CCNY: variants seen among roughly 807,000 people sequenced by gnomAD.
CCNY encodes cyclin-Y.
Under a neutral mutation model 42.8 loss-of-function variants are expected in CCNY, and 19 were observed. That is an observed-to-expected ratio of 0.44 (90% confidence interval 0.31 to 0.65). The LOEUF (loss-of-function observed/expected upper bound fraction) is 0.65, where lower values mean the gene tolerates loss of function less well. Ranked by LOEUF, CCNY falls within the 30% of genes least tolerant of loss-of-function variation. The pLI, the probability that CCNY is intolerant of heterozygous loss-of-function variation, is 0.07. For missense variants in CCNY, 370 were observed against 437.3 expected (o/e 0.85, Z 1.37); for synonymous variants, 165 against 162.7 (o/e 1.01, Z -0.11).
intron 1 of CCNY, among the ~76,000 whole-genome samples, chr10:35,430,262 G>A (rs1435036131): frequency 2.0e-5 from 3 of 146,958 alleles, no homozygotes; most frequent in East Asian, 4.0e-4. Context: ...GCGTGAACCC[G>A]GGAGGCGGAG....
chr10:35,271,014 C>T (rs1172447903), intron 3 of CCNY, among the ~76,000 whole-genome samples: 1 of 152,082 alleles, frequency 6.6e-6, no homozygotes, highest in Non-Finnish European at 1.5e-5. Context: ...TGTGAGCCAC[C>T]AAGCTTGGCC....
chr10:35,491,652 C>T (rs951511375), intron 2 of CCNY, among the ~76,000 whole-genome samples: 8 of 152,112 alleles, frequency 5.3e-5, no homozygotes, highest in African/African-American at 1.4e-4. Flanking sequence ...GACGCTCTGT[C>T]GCCCAGGCTG....
chr10:35,384,785 T>C (rs1421465090), intron 1 of CCNY, among the ~76,000 whole-genome samples: 1 of 152,188 alleles, frequency 6.6e-6, no homozygotes, highest in Non-Finnish European at 1.5e-5. Flanking sequence ...TTTAGGTTTG[T>C]GGGAAGAGCT....
intron 1 of CCNY, among the ~76,000 whole-genome samples, chr10:35,396,410 G>A (rs1046811251): frequency 5.9e-5 from 9 of 152,196 alleles, no homozygotes; most frequent in African/African-American, 1.7e-4. Context: ...GCCGCAAGAA[G>A]GTGGGGTGGG....
chr10:35,439,516 C>T (rs1459340308), intron 1 of CCNY, among the ~76,000 whole-genome samples: 1 of 151,490 alleles, frequency 6.6e-6, no homozygotes, highest in Non-Finnish European at 1.5e-5. Context: ...TCTTTGCTGC[C>T]TCTTTCTCTC....
intron 7 of CCNY, among the ~76,000 whole-genome samples, chr10:35,552,592 G>A (rs183509155): frequency 6.6e-6 from 1 of 152,208 alleles, no homozygotes; most frequent in Non-Finnish European, 1.5e-5. Context: ...TTAAAAGATA[G>A]GCTTATCAAC....
At chr10:35,405,762 T>C (rs1053050160) in intron 1 of CCNY, among the ~76,000 whole-genome samples, 2 of 152,220 alleles carry the variant, frequency 1.3e-5, no homozygotes, top group African/African-American at 4.8e-5. Context: ...TCCGAGGCTA[T>C]TGGGCAGTGT....
chr10:35,514,734 T>A (rs914886291), intron 3 of CCNY, among the ~76,000 whole-genome samples: 1 of 152,232 alleles, frequency 6.6e-6, no homozygotes, highest in Non-Finnish European at 1.5e-5. Context: ...AAATGAAATA[T>A]TATTGTCCTT....
At chr10:35,436,336 T>C (rs1273126981) in intron 1 of CCNY, among the ~76,000 whole-genome samples, 1 of 152,232 alleles carries the variant, frequency 6.6e-6, no homozygotes, top group African/African-American at 2.4e-5. Context: ...AAAGATTATC[T>C]TGGGCATAAA....
intron 3 of CCNY, among the ~76,000 whole-genome samples, chr10:35,266,979 G>C (rs1041495625): frequency 6.6e-6 from 1 of 151,992 alleles, no homozygotes; most frequent in East Asian, 1.9e-4. Context: ...CTACTCAGGA[G>C]GCTGAGGCAG....
chr10:35,521,376 T>C (rs923872416), intron 4 of CCNY, among the ~76,000 whole-genome samples: 4 of 152,220 alleles, frequency 2.6e-5, no homozygotes, highest in Non-Finnish European at 5.9e-5. Flanking sequence ...CAGAGTGCCT[T>C]GACCGCTCTT....
intron 4 of CCNY, among the ~76,000 whole-genome samples, chr10:35,518,004 A>G (rs987423004): frequency 1.3e-5 from 2 of 152,202 alleles, no homozygotes; most frequent in Non-Finnish European, 2.9e-5. Flanking sequence ...AGAAGCTGCT[A>G]ACTTCCCTTT....
intron 3 of CCNY, among the ~76,000 whole-genome samples, chr10:35,260,903 A>G (rs570217541): frequency 3.1e-4 from 47 of 152,278 alleles, no homozygotes; most frequent in African/African-American, 1.1e-3. Flanking sequence ...TCAAAGCCAG[A>G]AGTTCAAAAC....
At chr10:35,265,517 G>T (rs578228464) in intron 3 of CCNY, among the ~76,000 whole-genome samples, 1 of 152,334 alleles carries the variant, frequency 6.6e-6, no homozygotes, top group East Asian at 1.9e-4. Context: ...AGTTACTTCT[G>T]TGGAGGCCTC....
chr10:35,536,170 G>A (rs2135430248), intron 7 of CCNY, among the ~76,000 whole-genome samples: 1 of 152,246 alleles, frequency 6.6e-6, no homozygotes, highest in Admixed American at 6.5e-5. Context: ...TTGTGGTAGT[G>A]GATAAGTGTT....
intron 1 of CCNY, among the ~76,000 whole-genome samples, chr10:35,424,235 T>C (rs980507940): frequency 2.0e-5 from 3 of 152,206 alleles, no homozygotes; most frequent in Non-Finnish European, 4.4e-5. Flanking sequence ...TTTCTTTTCT[T>C]TTCTTTTTGA....
At chr10:35,565,107 A>G (rs543012021) in intron 8 of CCNY, among the ~76,000 whole-genome samples, 8 of 152,186 alleles carry the variant, frequency 5.3e-5, no homozygotes, top group Admixed American at 1.3e-4. Flanking sequence ...CACCCAGAGG[A>G]ACTATCTAGA....
At position 35,375,084 on chromosome 10, in the gene CCNY, A is replaced by G. The variant is rs550420461; in HGVS notation, c.154+37877A>G. Among the ~76,000 whole-genome samples the G allele has an allele frequency of 4.7e-4, 71 of 151,984 alleles. 1 individual carries two copies. Among genetic ancestry groups the G allele is most frequent in the Admixed American group, 4.5e-3 (69 of 15,258 alleles). ...TTAAAGTACATTTTTTTTTTTAAAG[A>G]AGGACTTATACTGTGTTAATTTTCT... On this transcript the variant is annotated intron_variant, in intron 1 of 9. Transcript: ENST00000374704.
At chr10:35,558,647 A>G (rs557750575) in intron 8 of CCNY, among the ~76,000 whole-genome samples, 1 of 152,232 alleles carries the variant, frequency 6.6e-6, no homozygotes, top group Non-Finnish European at 1.5e-5. Flanking sequence ...GCCCTAATCC[A>G]GTATGTCTGA....
Sources: gnomAD v4.1 joint callset for allele counts (sites outside exome capture counted in the v4.1 genomes callset) on GRCh38, gnomAD v4.1.1 for gene constraint, MANE v1.5 for transcripts, NCBI Gene and HGNC (gene_info 2026-07-23, HGNC 2026-07-21) for gene names.